The following LRP1B variants were observed in gnomAD, a reference collection of about 807,000 sequenced individuals.
LRP1B encodes the protein low-density lipoprotein receptor-related protein 1B.
A neutral mutation model predicts 556.6 loss-of-function variants in LRP1B; 217 were observed. That is an observed-to-expected ratio of 0.39 (90% CI 0.35 to 0.44). LRP1B has a LOEUF of 0.44. LRP1B is among the 20% of genes least tolerant of loss of function. The pLI, the probability that LRP1B is intolerant of heterozygous loss-of-function variation, is 1.00. For synonymous variants in LRP1B, 2,047 were observed against 1,865.8 expected (o/e 1.10, Z -2.50); for missense variants, 5,053 against 5,620.8 (o/e 0.90, Z 3.23).
intron 32 of LRP1B, among the ~76,000 whole-genome samples, chr2:140,783,238 C>T (rs1005788653): frequency 9.9e-5 from 15 of 151,854 alleles, no homozygotes; most frequent in African/African-American, 3.6e-4. Context: ...TTTTACTGCA[C>T]TATGCCAGAA....
chr2:140,274,325 G>T (rs937160120), intron 85 of LRP1B, 99 bp downstream of exon 85: 1 of 1,089,604 alleles, frequency 9.2e-7, no homozygotes. Context: ...CGGAATTTTA[G>T]AATAAAAACA....
At chr2:140,979,279 G>A (rs755003339) in intron 18 of LRP1B, among the ~76,000 whole-genome samples, 7 of 152,112 alleles carry the variant, frequency 4.6e-5, no homozygotes, top group South Asian at 2.1e-4. Flanking sequence ...ACACCTGGTC[G>A]TGAGAGCCTA....
At chr2:142,116,192 C>CAAAAAAAAAAAAAAAA (rs70994477) in intron 1 of LRP1B, among the ~76,000 whole-genome samples, 1 of 65,456 alleles carries the variant, frequency 1.5e-5, no homozygotes, top group African/African-American at 6.7e-5. Context: ...GAGTCTGTCT[C>CAAAAAAAAAAAAAAAA]AAAAAAAAAA....
intron 2 of LRP1B, among the ~76,000 whole-genome samples, chr2:141,738,438 TTA>T (rs1463787182): frequency 6.6e-6 from 1 of 152,080 alleles, no homozygotes; most frequent in East Asian, 1.9e-4. Flanking sequence ...AATTCCAGAA[TTA>T]TGTCATTCTC....
chr2:141,897,710 A>G (rs1022386333), intron 1 of LRP1B, among the ~76,000 whole-genome samples: 11 of 152,316 alleles, frequency 7.2e-5, no homozygotes, highest in Middle Eastern at 6.8e-3. Context: ...TGTTTAATAT[A>G]AAGAAACTAA....
At chr2:140,378,095 T>G (rs1252213376) in intron 68 of LRP1B, 85 bp downstream of exon 68, 3 of 863,822 alleles carry the variant, frequency 3.5e-6, no homozygotes, top group Non-Finnish European at 5.6e-6. Flanking sequence ...GAGCTGTCCT[T>G]GCCGCACTTA....
At chr2:140,384,014 A>G (rs1032385812) in intron 67 of LRP1B, among the ~76,000 whole-genome samples, 1 of 152,294 alleles carries the variant, frequency 6.6e-6, no homozygotes, top group South Asian at 2.1e-4. Flanking sequence ...TGTCAGTACA[A>G]TGATATTCAG....
chr2:141,048,251 A>G lies in LRP1B; in HGVS notation c.1789+735T>C, dbSNP rs76945833. The stretch of plus-strand genomic sequence containing the variant: ...AACAGGTCCAGAATCATTAGTTAAC[A>G]TGCCTAAAAATGACTGGCAGCCAGT... On this transcript the variant is annotated intron_variant, in intron 11 of 90. Transcript: ENST00000389484. 4.6e-4 allele frequency among the ~76,000 whole-genome samples: 70 copies of G among 152,248 alleles called. 1 individual carries two copies. The East Asian group carries it at 0.014, about 30-fold the overall frequency.
Position 142,095,318 on chromosome 2 carries a change from A to G in LRP1B, c.82+35330T>C, listed in dbSNP as rs142751559. Among the ~76,000 whole-genome samples the G allele has an allele frequency of 3.5e-3, 526 of 151,734 alleles. 2 individuals are homozygous for G. Among genetic ancestry groups the G allele is most frequent in the African/African-American group, 0.012 (478 of 41,472 alleles). ...GTTTTTAAAAAGTCCCTTAATAAGA[A>G]CCTGTGATATGCTATTACTGTAAGT... is the stretch of plus-strand genomic sequence containing the variant. On this transcript the variant is annotated intron_variant, in intron 1 of 90. Coordinates refer to ENST00000389484, the MANE Select transcript of LRP1B (RefSeq NM_018557.3).
chr2:141,699,225 T>A (rs1175052268), intron 2 of LRP1B, among the ~76,000 whole-genome samples: 1 of 151,840 alleles, frequency 6.6e-6, no homozygotes, highest in Non-Finnish European at 1.5e-5. Context: ...TGGTCTCTCT[T>A]CCTAGAGACA....
At chr2:140,903,273 A>G (rs1469108754) in intron 22 of LRP1B, 108 bp from the exon 23 acceptor site, 6 of 1,282,668 alleles carry the variant, frequency 4.7e-6, no homozygotes, top group African/African-American at 3.0e-5. Flanking sequence ...GGATACTACA[A>G]ATGAATATAA....
At chr2:140,911,372 C>G (rs145628900) in intron 21 of LRP1B, among the ~76,000 whole-genome samples, 8 of 151,834 alleles carry the variant, frequency 5.3e-5, no homozygotes, top group African/African-American at 1.9e-4. Context: ...GGAAGAGATA[C>G]TTTTCATTGA....
At chr2:141,779,086 T>C (rs1031387417) in intron 2 of LRP1B, among the ~76,000 whole-genome samples, 3 of 152,172 alleles carry the variant, frequency 2.0e-5, no homozygotes, top group African/African-American at 7.2e-5. Flanking sequence ...ATTCCCACTT[T>C]TACTAAAGAG....
chr2:140,385,854 C>T (rs2105198142), intron 67 of LRP1B, 39 bp downstream of exon 67: 1 of 1,365,158 alleles, frequency 7.3e-7, no homozygotes, highest in Non-Finnish European at 1.0e-6. Context: ...ATTGAATGGG[C>T]TGTCAAGCTC....
At chr2:140,859,950 G>A (rs749043271) in intron 27 of LRP1B, among the ~76,000 whole-genome samples, 30 of 151,996 alleles carry the variant, frequency 2.0e-4, no homozygotes, top group African/African-American at 6.5e-4. Context: ...AGCGGAGATC[G>A]CACCCCTGCA....
chr2:141,713,950 C>T (rs1157585235), intron 2 of LRP1B, among the ~76,000 whole-genome samples: 1 of 152,148 alleles, frequency 6.6e-6, no homozygotes, highest in Non-Finnish European at 1.5e-5. Flanking sequence ...CAAATGTATT[C>T]AGTAATAGTG....
In LRP1B at chr2:141,861,039, T is replaced by C. The variant is rs180829054; in HGVS notation, c.83-50638A>G. ...ATTCCTCTAGATAAACAGGTTTTAC[T>C]TTGTACTCTAACAATGTATACGATA... On this transcript the variant is annotated intron_variant, in intron 1 of 90. Transcript: ENST00000389484. Among the ~76,000 whole-genome samples, 626 of 152,362 alleles carry C rather than the reference T, an allele frequency of 4.1e-3. 1 individual carries two copies. Among genetic ancestry groups the C allele is most frequent in the Non-Finnish European group, 6.5e-3 (443 of 68,030 alleles).
intron 66 of LRP1B, among the ~76,000 whole-genome samples, chr2:140,431,160 A>G (rs1388091160): frequency 6.6e-6 from 1 of 152,098 alleles, no homozygotes; most frequent in East Asian, 1.9e-4. Context: ...TATTCAGTGA[A>G]ACCTTTATAT....
At chr2:141,642,768 T>A (rs1367000070) in intron 2 of LRP1B, among the ~76,000 whole-genome samples, 1 of 152,088 alleles carries the variant, frequency 6.6e-6, no homozygotes, top group African/African-American at 2.4e-5. Context: ...CAAAATAACG[T>A]TTTTGGTGGC....
Sources: gnomAD v4.1 joint callset for allele counts (sites outside exome capture counted in the v4.1 genomes callset) on GRCh38, gnomAD v4.1.1 for gene constraint, MANE v1.5 for transcripts, NCBI Gene and HGNC (gene_info 2026-07-23, HGNC 2026-07-21) for gene names.